Variants in CADM2 observed in about 807,000 individuals in gnomAD.
CADM2 encodes the protein immunoglobulin superfamily member 4D.
In CADM2, 12 loss-of-function variants were observed where a neutral mutation model predicts 49.8. The ratio of observed to expected loss-of-function variants is 0.24; its 90% CI spans 0.15 to 0.39. CADM2 has a LOEUF of 0.39. Among genes scored for constraint, CADM2 ranks in the 10% least tolerant of loss-of-function variants. The pLI, the probability that CADM2 is intolerant of heterozygous loss-of-function variation, is 1.00. For missense variants in CADM2, 378 were observed against 492.3 expected, an observed-to-expected ratio of 0.77 and a Z score of 2.20; for synonymous variants, 214 against 175.4, an observed-to-expected ratio of 1.22 and a Z score of -1.74.
chr3:85,376,124 C>G (rs2033581454), intron 1 of CADM2, among the ~76,000 whole-genome samples: 1 of 152,064 alleles, frequency 6.6e-6, no homozygotes, highest in African/African-American at 2.4e-5. Flanking sequence ...TCCTTGGACT[C>G]TAGATCCTCT....
intron 1 of CADM2, among the ~76,000 whole-genome samples, chr3:85,567,819 C>T (rs2062313910): frequency 6.6e-6 from 1 of 152,144 alleles, no homozygotes; most frequent in Non-Finnish European, 1.5e-5. Flanking sequence ...TAGGGAAGCC[C>T]ATGGTGTGAA....
intron 1 of CADM2, among the ~76,000 whole-genome samples, chr3:85,302,471 G>A (rs770594056): frequency 6.6e-6 from 1 of 151,940 alleles, no homozygotes; most frequent in Non-Finnish European, 1.5e-5. Flanking sequence ...TAAAATAAGA[G>A]TTTGCTAATG....
chr3:85,512,005 T>G (rs1459859691), intron 1 of CADM2: 1 of 395,500 alleles, frequency 2.5e-6, no homozygotes. Context: ...CTTTTAAAAT[T>G]TTTTTCAACT....
intron 8 of CADM2, among the ~76,000 whole-genome samples, chr3:85,989,993 C>A (rs1449572134): frequency 1.6e-5 from 1 of 60,720 alleles, no homozygotes; most frequent in Non-Finnish European, 3.0e-5. Context: ...GCCTGGGCGA[C>A]AAGAGAGAAA....
At chr3:85,725,379 A>G (rs540084358) in intron 1 of CADM2, among the ~76,000 whole-genome samples, 2 of 152,058 alleles carry the variant, frequency 1.3e-5, no homozygotes, top group Admixed American at 6.5e-5. Flanking sequence ...TGTGTAGTTC[A>G]TAATTACTAG....
intron 1 of CADM2, among the ~76,000 whole-genome samples, chr3:85,569,413 T>C (rs2062410807): frequency 6.6e-6 from 1 of 152,154 alleles, no homozygotes; most frequent in African/African-American, 2.4e-5. Flanking sequence ...CTATGAATAT[T>C]TGTGTGCAAC....
At chr3:85,063,552 T>G (rs1216299475) in intron 1 of CADM2, among the ~76,000 whole-genome samples, 2 of 151,948 alleles carry the variant, frequency 1.3e-5, no homozygotes, top group East Asian at 3.9e-4. Flanking sequence ...CAGGATAAAC[T>G]TATAAAATTT....
At chr3:85,428,789 A>G (rs566324029) in intron 1 of CADM2, among the ~76,000 whole-genome samples, 3 of 151,040 alleles carry the variant, frequency 2.0e-5, no homozygotes, top group African/African-American at 7.3e-5. Context: ...AGCTCCATCC[A>G]TTATCCATTT....
At chr3:85,655,181 G>A (rs1317120215) in intron 1 of CADM2, among the ~76,000 whole-genome samples, 3 of 148,028 alleles carry the variant, frequency 2.0e-5, no homozygotes, top group African/African-American at 7.5e-5. Flanking sequence ...TTTTGACACA[G>A]TCTCACTGTA....
intron 1 of CADM2, among the ~76,000 whole-genome samples, chr3:85,278,259 T>C (rs904818576): frequency 6.6e-6 from 1 of 151,350 alleles, no homozygotes; most frequent in Non-Finnish European, 1.5e-5. Context: ...TCTTTCCCAA[T>C]AAATATGATC....
intron 1 of CADM2, among the ~76,000 whole-genome samples, chr3:85,569,772 A>G (rs2107236049): frequency 1.3e-5 from 2 of 152,176 alleles, no homozygotes; most frequent in East Asian, 3.9e-4. Flanking sequence ...GTAACTTAGA[A>G]GTAGATTTCA....
intron 2 of CADM2, among the ~76,000 whole-genome samples, chr3:85,794,941 T>C (rs979334148): frequency 6.6e-6 from 1 of 152,116 alleles, no homozygotes; most frequent in Non-Finnish European, 1.5e-5. Flanking sequence ...AAGGCCAAGA[T>C]TTTTAAATTT....
At chr3:84,961,144 G>A (rs1308281915) in intron 1 of CADM2, among the ~76,000 whole-genome samples, 2 of 152,082 alleles carry the variant, frequency 1.3e-5, no homozygotes, top group African/African-American at 4.8e-5. Context: ...ACTCACTGGC[G>A]TGCAAAACCC....
intron 3 of CADM2, among the ~76,000 whole-genome samples, chr3:85,816,400 G>A (rs770857268): frequency 8.6e-5 from 13 of 152,034 alleles, no homozygotes; most frequent in Admixed American, 6.6e-4. Flanking sequence ...TTGAGTTATA[G>A]GCAGGAGTGT....
At chr3:85,234,396 C>T (rs2042366345) in intron 1 of CADM2, among the ~76,000 whole-genome samples, 1 of 152,070 alleles carries the variant, frequency 6.6e-6, no homozygotes, top group Non-Finnish European at 1.5e-5. Context: ...AACAAACCTC[C>T]TAATCTCTCT....
chr3:85,096,722 G>A (rs1484208694), intron 1 of CADM2, among the ~76,000 whole-genome samples: 1 of 152,038 alleles, frequency 6.6e-6, no homozygotes, highest in African/African-American at 2.4e-5. Flanking sequence ...GGTTGATATA[G>A]ATCTCTAAAC....
At chr3:85,200,291 G>C (rs2041459625) in intron 1 of CADM2, among the ~76,000 whole-genome samples, 1 of 151,996 alleles carries the variant, frequency 6.6e-6, no homozygotes, top group African/African-American at 2.4e-5. Context: ...GTTTTCCCTT[G>C]ACTTTCCTTG....
intron 1 of CADM2, among the ~76,000 whole-genome samples, chr3:84,993,615 C>A (rs2033016509): frequency 6.6e-6 from 1 of 152,042 alleles, no homozygotes; most frequent in South Asian, 2.1e-4. Context: ...CGGAAAACAC[C>A]CTGACTATAG....
At chr3:85,725,244 C>G (rs1162562448) in intron 1 of CADM2, among the ~76,000 whole-genome samples, 2 of 151,902 alleles carry the variant, frequency 1.3e-5, no homozygotes, top group Non-Finnish European at 2.9e-5. Context: ...AATAGTAAGG[C>G]AGTTTTTGTT....
Sources: gnomAD v4.1 joint callset for allele counts (sites outside exome capture counted in the v4.1 genomes callset) on GRCh38, gnomAD v4.1.1 for gene constraint, MANE v1.5 for transcripts, NCBI Gene and HGNC (gene_info 2026-07-23, HGNC 2026-07-21) for gene names.